The following FAM47E variants were observed in gnomAD, a reference collection of about 807,000 sequenced individuals.
FAM47E encodes the protein family with sequence similarity 47 member E, also known as protein FAM47E.
FAM47E carries 32 observed loss-of-function variants against 41.6 expected under a neutral mutation model. The observed-to-expected ratio is 0.77, with a 90% CI of 0.58 to 1.03. The LOEUF is 1.03. Ranked by LOEUF, FAM47E falls within the 50% of genes least tolerant of loss-of-function variation. FAM47E has a pLI of 0.00. For synonymous variants in FAM47E, 184 were observed against 188.7 expected (o/e 0.98, Z 0.20); for missense variants, 424 against 485.4 (o/e 0.87, Z 1.19).
At chr4:76,256,105 C>T (rs1560742294) in intron 1 of FAM47E, 73 bp from the exon 2 acceptor site, 3 of 1,464,976 alleles carry the variant, frequency 2.0e-6, no homozygotes, top group African/African-American at 1.4e-5. Context: ...CTCCTTCTCC[C>T]ACCCAAGTCC....
intron 2 of FAM47E, among the ~76,000 whole-genome samples, chr4:76,218,358 A>G (rs541694504): frequency 2.7e-4 from 41 of 152,306 alleles, no homozygotes; most frequent in Admixed American, 2.6e-3. Flanking sequence ...CATCATTCCA[A>G]AGTTCTTACA....
chr4:76,254,081 A>ACCACTGT (rs1160488377), intron 1 of FAM47E, among the ~76,000 whole-genome samples: 1 of 151,162 alleles, frequency 6.6e-6, no homozygotes, highest in African/African-American at 2.4e-5. Context: ...ATTGAGCTAT[A>ACCACTGT]ATTGCCACTG....
At chr4:76,283,195 C>A (rs887882060) in intron 7 of FAM47E, 186 bp from the exon 8 acceptor site, 5 of 460,780 alleles carry the variant, frequency 1.1e-5, no homozygotes, top group African/African-American at 9.8e-5. Flanking sequence ...GTTTCTGATA[C>A]TGTGTGACTA....
At chr4:76,281,009 C>G (rs961881686) in intron 7 of FAM47E, 1 of 152,262 alleles carries the variant, frequency 6.6e-6, no homozygotes, top group Admixed American at 6.5e-5. Context: ...GAACATGGAG[C>G]GGGAGGGCCT....
upstream of FAM47E, among the ~76,000 whole-genome samples, chr4:76,248,919 A>T (rs949094479): frequency 1.4e-4 from 22 of 152,154 alleles, no homozygotes; most frequent in Admixed American, 3.3e-4. Flanking sequence ...ACTTTTTGCC[A>T]GGTAAGCTGG....
chr4:76,221,554 A>C (rs1013541985), intron 2 of FAM47E, among the ~76,000 whole-genome samples: 1 of 152,138 alleles, frequency 6.6e-6, no homozygotes, highest in Non-Finnish European at 1.5e-5. Context: ...TCCTGACCTC[A>C]GGTGATCCAT....
At chr4:76,272,245 G>T (rs1408911074) in intron 5 of FAM47E, among the ~76,000 whole-genome samples, 3 of 152,166 alleles carry the variant, frequency 2.0e-5, no homozygotes, top group African/African-American at 7.2e-5. Flanking sequence ...AAAGATGGAA[G>T]AACAAGGTAA....
chr4:76,277,211 G>A (rs117680303), intron 5 of FAM47E, among the ~76,000 whole-genome samples: 2 of 152,260 alleles, frequency 1.3e-5, no homozygotes, highest in East Asian at 1.9e-4. Context: ...TTGGCTGGGC[G>A]CAGTGGCTCA....
At position 76,268,767 on chromosome 4, in the gene FAM47E, A is replaced by G. The variant is rs1343873635; in HGVS notation, c.668A>G (p.Asn223Ser). The G allele has an allele frequency of 6.4e-7, 1 of 1,551,476 alleles. No homozygotes were observed. The highest frequency in any genetic ancestry group is 8.7e-7 in the Non-Finnish European group (1 of 1,146,914). The change falls in exon 4 of 8, where the codon AAT (asparagine) becomes AGT (serine). Residue 223 changes from asparagine (N) to serine (S), a missense_variant and splice_region_variant. Physicochemically the swap from Asn to Ser is conservative, Grantham distance 46. Transcript: ENST00000424749. ...GGTCCTCGTCCTGGTCTTCATGAAA[A>G]TGTATGCAAAGCAGTTAGTGACTTC... is the stretch of plus-strand genomic sequence containing the variant. The part of the protein sequence containing the change: ...ENGPRPGLHE[N>S]GISDIDEEFI...
chr4:76,235,869 C>G (rs777710568), intron 2 of FAM47E, among the ~76,000 whole-genome samples: 13 of 152,226 alleles, frequency 8.5e-5, no homozygotes, highest in Non-Finnish European at 1.3e-4. Flanking sequence ...CTCTCACAAT[C>G]TGATGAGGTA....
At chr4:76,246,949 A>G (rs1056397050), upstream of FAM47E, among the ~76,000 whole-genome samples, 6 of 152,116 alleles carry the variant, frequency 3.9e-5, no homozygotes, top group African/African-American at 1.2e-4. Flanking sequence ...GTGTCAAAAT[A>G]TATGTAACAT....
At chr4:76,243,221 T>C (rs1422615702) in intron 2 of FAM47E, among the ~76,000 whole-genome samples, 2 of 152,204 alleles carry the variant, frequency 1.3e-5, no homozygotes, top group Non-Finnish European at 1.5e-5. Flanking sequence ...ACTCAGTCTA[T>C]GGTATTTTGT....
chr4:76,263,943 A>AGGCCGGGCGCGGT, intron 3 of FAM47E, 100 bp downstream of exon 3: 9 of 1,455,796 alleles, frequency 6.2e-6, no homozygotes, highest in Non-Finnish European at 8.2e-6. Flanking sequence ...ACTTCTAATG[A>AGGCCGGGCGCGGT]AGCAAATGTA....
intron 2 of FAM47E, among the ~76,000 whole-genome samples, chr4:76,223,529 C>T (rs2034004): frequency 0.42 from 63,421 of 151,948 alleles, 13,889 homozygotes; most frequent in East Asian, 0.77. Flanking sequence ...TTATCACCGC[C>T]CTCTTCCTCT....
At chr4:76,227,991 T>G (rs565346561) in intron 2 of FAM47E, among the ~76,000 whole-genome samples, 1 of 152,356 alleles carries the variant, frequency 6.6e-6, no homozygotes, top group African/African-American at 2.4e-5. Flanking sequence ...TCTGCCATTC[T>G]GTATCTTTTA....
chr4:76,221,797 A>G (rs1733313366), intron 2 of FAM47E, among the ~76,000 whole-genome samples: 7 of 152,234 alleles, frequency 4.6e-5, no homozygotes, highest in Admixed American at 3.9e-4. Context: ...AAACCTACCT[A>G]TTGGGTATCA....
chr4:76,229,905 C>T (rs1404426177), intron 2 of FAM47E, among the ~76,000 whole-genome samples: 1 of 152,182 alleles, frequency 6.6e-6, no homozygotes, highest in Non-Finnish European at 1.5e-5. Context: ...GTTGTTTTCT[C>T]CTCCCTTGGA....
chr4:76,273,564 G>C (rs1345451581), intron 5 of FAM47E, among the ~76,000 whole-genome samples: 2 of 151,924 alleles, frequency 1.3e-5, no homozygotes, highest in Non-Finnish European at 2.9e-5. Context: ...CTTTGTCACT[G>C]GTTTTGAGCA....
intron 1 of FAM47E, among the ~76,000 whole-genome samples, chr4:76,252,724 A>G (rs1357154394): frequency 2.0e-5 from 3 of 152,144 alleles, no homozygotes; most frequent in African/African-American, 7.2e-5. Flanking sequence ...TCTCCCCCCC[A>G]TTTAAAAATT....
Sources: gnomAD v4.1 joint callset for allele counts (sites outside exome capture counted in the v4.1 genomes callset) on GRCh38, gnomAD v4.1.1 for gene constraint, MANE v1.5 for transcripts, NCBI Gene and HGNC (gene_info 2026-07-23, HGNC 2026-07-21) for gene names.